Variants in AGBL1 observed in about 807,000 individuals in gnomAD.
The protein encoded by AGBL1 is cytosolic carboxypeptidase 4.
Under a neutral mutation model 118.9 loss-of-function variants are expected in AGBL1, and 130 were observed. The observed-to-expected ratio is 1.09, with a 90% CI of 0.95 to 1.26. The LOEUF is 1.26. Among genes scored for constraint, AGBL1 ranks in the 50% most tolerant of loss-of-function variants. The pLI, the probability that AGBL1 is intolerant of heterozygous loss-of-function variation, is 0.00. For missense variants in AGBL1, 1,584 were observed against 1,298.1 expected (o/e 1.22, Z -3.38); for synonymous variants, 555 against 478.9 (o/e 1.16, Z -2.08).
intron 24 of AGBL1, among the ~76,000 whole-genome samples, chr15:86,994,064 G>A (rs73449118): frequency 0.099 from 15,001 of 152,058 alleles, 1,311 homozygotes; most frequent in African/African-American, 0.23. Flanking sequence ...ATTCTGTGAC[G>A]CAGGTTCTGA....
chr15:86,612,584 ACT>A (rs1264147230), intron 21 of AGBL1, among the ~76,000 whole-genome samples: 1 of 151,850 alleles, frequency 6.6e-6, no homozygotes, highest in African/African-American at 2.4e-5. Flanking sequence ...TTCCAACCTG[ACT>A]CTCGTACAGC....
chr15:86,650,531 C>T (rs893045339), intron 21 of AGBL1, among the ~76,000 whole-genome samples: 3 of 152,098 alleles, frequency 2.0e-5, no homozygotes, highest in Non-Finnish European at 4.4e-5. Context: ...CACGAAAGTC[C>T]AACATACCTG....
chr15:86,934,327 C>A (rs2080640573), intron 23 of AGBL1, among the ~76,000 whole-genome samples: 1 of 151,990 alleles, frequency 6.6e-6, no homozygotes, highest in South Asian at 2.1e-4. Flanking sequence ...GCTGTTAAAG[C>A]AAGAAAAAGG....
chr15:86,101,029 T>C, intron 1 of AGBL1, among the ~76,000 whole-genome samples: 1 of 152,142 alleles, frequency 6.6e-6, no homozygotes, highest in East Asian at 1.9e-4. Flanking sequence ...TAGCACAACT[T>C]TTGCTGTGTG....
chr15:86,944,522 A>G (rs1294649758), intron 23 of AGBL1, among the ~76,000 whole-genome samples: 1 of 152,194 alleles, frequency 6.6e-6, no homozygotes, highest in East Asian at 1.9e-4. Flanking sequence ...AGAGAGACAG[A>G]ACATTCGACT....
Position 86,613,246 on chromosome 15 carries a change from G to A in AGBL1, c.2994+58709G>A, listed in dbSNP as rs978867515. On this transcript the variant is annotated intron_variant, in intron 21 of 22. Transcript: ENST00000614907. The surrounding 1 kb of genome is among the most constrained non-coding windows in gnomAD (Gnocchi z 4.2). ...ATTAAAGCAGGAATCGGAGCGAGAG[G>A]TTTGTTGGTTTTGGAACGTAAGATC... Among the ~76,000 whole-genome samples, 5 of 152,204 alleles carry A rather than the reference G, an allele frequency of 3.3e-5. No homozygotes were observed. The highest frequency in any genetic ancestry group is 2.1e-4 in the South Asian group (1 of 4,836).
intron 22 of AGBL1, among the ~76,000 whole-genome samples, chr15:86,870,236 C>T (rs746738685): frequency 1.3e-4 from 20 of 152,020 alleles, no homozygotes; most frequent in Middle Eastern, 3.4e-3. Flanking sequence ...TTTATATAGA[C>T]TAAGAGAAAT....
intron 17 of AGBL1, among the ~76,000 whole-genome samples, chr15:86,315,156 A>G (rs950567764): frequency 2.0e-5 from 3 of 152,190 alleles, no homozygotes; most frequent in South Asian, 2.1e-4. Flanking sequence ...ATACAATGCC[A>G]TTTTAATACC....
rs147644646 is a variant in AGBL1, at chr15:86,851,899, A to T, written c.3159-55188A>T. On this transcript the variant is annotated intron_variant, in intron 22 of 22. Transcript: ENST00000614907. Reference sequence around the variant, plus strand: ...GGGAAGTTCAGACTCATTGTGGTGAATGGTTTTCCTGCAGCAGTGGCAGGT... The same window carrying T: ...GGGAAGTTCAGACTCATTGTGGTGATTGGTTTTCCTGCAGCAGTGGCAGGT... Among the ~76,000 whole-genome samples the T allele has an allele frequency of 3.3e-5, 5 of 152,272 alleles. No individual in the cohort carries two copies. The East Asian group carries it at 9.7e-4, about 29-fold the overall frequency.
At chr15:86,622,895 C>T (rs1458866886) in intron 21 of AGBL1, among the ~76,000 whole-genome samples, 1 of 152,168 alleles carries the variant, frequency 6.6e-6, no homozygotes, top group Non-Finnish European at 1.5e-5. Context: ...TGTAACTAGA[C>T]AGTCCCGTCT....
At chr15:86,994,923 G>A (rs1030037549) in intron 24 of AGBL1, among the ~76,000 whole-genome samples, 1 of 152,142 alleles carries the variant, frequency 6.6e-6, no homozygotes, top group Non-Finnish European at 1.5e-5. Context: ...AAAATATGAG[G>A]CTGTAATGAA....
At chr15:86,343,155 G>A in intron 17 of AGBL1, among the ~76,000 whole-genome samples, 1 of 152,174 alleles carries the variant, frequency 6.6e-6, no homozygotes, top group East Asian at 1.9e-4. Flanking sequence ...GCCCTGGAGA[G>A]TGATTTTATG....
chr15:86,725,452 G>A (rs927429330), intron 22 of AGBL1, among the ~76,000 whole-genome samples: 1 of 152,180 alleles, frequency 6.6e-6, no homozygotes, highest in African/African-American at 2.4e-5. Context: ...GCAGAGCATG[G>A]GTGAAGTCTG....
intron 5 of AGBL1, among the ~76,000 whole-genome samples, chr15:86,162,070 G>C (rs2077274135): frequency 6.6e-6 from 1 of 152,204 alleles, no homozygotes; most frequent in South Asian, 2.1e-4. Context: ...CTGGAGATGA[G>C]AACGTCCTGC....
At chr15:86,581,182 G>C (rs1257215507) in intron 21 of AGBL1, among the ~76,000 whole-genome samples, 1 of 152,160 alleles carries the variant, frequency 6.6e-6, no homozygotes, top group South Asian at 2.1e-4. Context: ...CATGGTCAAC[G>C]TGAGAAGTTG....
rs533274991 is a variant in AGBL1, at chr15:86,121,852, T to C, written c.52-20152T>C. 3.3e-4 allele frequency among the ~76,000 whole-genome samples: 50 copies of C among 152,354 alleles called. 1 individual carries two copies. Among genetic ancestry groups the C allele is most frequent in the Middle Eastern group, 3.4e-3 (1 of 294 alleles). Reference sequence around the variant, plus strand: ...CGTTCCACAGTGTGGTATAGTTCAGTGTTGCCTAATGTAGTCATTGTGCAA... The same window carrying C: ...CGTTCCACAGTGTGGTATAGTTCAGCGTTGCCTAATGTAGTCATTGTGCAA... On this transcript the variant is annotated intron_variant, in intron 1 of 22. Coordinates refer to ENST00000614907, the MANE Select transcript of AGBL1 (RefSeq NM_001386094.1).
intron 5 of AGBL1, among the ~76,000 whole-genome samples, chr15:86,202,809 A>T (rs1275507094): frequency 6.6e-6 from 1 of 152,236 alleles, no homozygotes; most frequent in Admixed American, 6.5e-5. Context: ...GTAGTGGCTT[A>T]TCACAGGCAA....
At chr15:86,598,963 C>G (rs1430547397) in intron 21 of AGBL1, among the ~76,000 whole-genome samples, 3 of 152,140 alleles carry the variant, frequency 2.0e-5, no homozygotes, top group African/African-American at 4.8e-5. Context: ...AGCCATTTCT[C>G]AAGTGTAATG....
intron 23 of AGBL1, among the ~76,000 whole-genome samples, chr15:86,921,958 A>T (rs181271889): frequency 1.3e-4 from 19 of 151,948 alleles, no homozygotes; most frequent in Admixed American, 1.0e-3. Context: ...TGTCCCTGGG[A>T]CTCTGCTTCC....
Sources: allele counts gnomAD v4.1 joint callset (sites outside exome capture counted in the v4.1 genomes callset), GRCh38; gene constraint gnomAD v4.1.1; non-coding constraint Gnocchi (gnomAD v3.1); transcripts MANE v1.5; gene names NCBI Gene and HGNC (gene_info 2026-07-23, HGNC 2026-07-21).